The following NRG3 variants were observed in gnomAD, a reference collection of about 807,000 sequenced individuals.
The protein encoded by NRG3 is neuregulin 3.
A neutral mutation model predicts 66.9 loss-of-function variants in NRG3; 31 were observed. The ratio of observed to expected loss-of-function variants is 0.46; its 90% CI spans 0.35 to 0.63. The LOEUF (loss-of-function observed/expected upper bound fraction) is 0.63. Ranked by LOEUF, NRG3 falls within the 20% of genes least tolerant of loss-of-function variation. NRG3 has a pLI of 0.00. For synonymous variants in NRG3, 393 were observed against 359.4 expected, an observed-to-expected ratio of 1.09 and a Z score of -1.06; for missense variants, 910 against 878.9, an observed-to-expected ratio of 1.04 and a Z score of -0.45.
At chr10:82,372,397 G>C (rs2084945194) in intron 2 of NRG3, among the ~76,000 whole-genome samples, 1 of 152,080 alleles carries the variant, frequency 6.6e-6, no homozygotes, top group African/African-American at 2.4e-5. Context: ...TTTCACTCAA[G>C]CTCTGAATTT....
At chr10:82,952,453 G>GTCTC (rs137919624) in intron 5 of NRG3, among the ~76,000 whole-genome samples, 56 of 111,560 alleles carry the variant, frequency 5.0e-4, no homozygotes, top group Non-Finnish European at 5.9e-4. Flanking sequence ...AGATATAAAC[G>GTCTC]TCTCTCTCTC....
intron 1 of NRG3, among the ~76,000 whole-genome samples, chr10:82,023,868 A>G (rs955953122): frequency 3.9e-5 from 6 of 151,946 alleles, no homozygotes; most frequent in Non-Finnish European, 8.8e-5. Flanking sequence ...GGGCCCATAG[A>G]ATGAGTTTGA....
At chr10:82,956,511 G>A (rs922829539) in intron 5 of NRG3, among the ~76,000 whole-genome samples, 2 of 151,876 alleles carry the variant, frequency 1.3e-5, no homozygotes, top group African/African-American at 4.9e-5. Flanking sequence ...GTCAGGACTT[G>A]AGTGAAAAAA....
intron 1 of NRG3, among the ~76,000 whole-genome samples, chr10:82,240,930 A>G (rs891700978): frequency 1.3e-5 from 2 of 152,090 alleles, no homozygotes; most frequent in African/African-American, 2.4e-5. Flanking sequence ...ACCCTGTTAC[A>G]ATGTTTTATT....
chr10:82,398,547 A>G (rs374225707), intron 2 of NRG3, among the ~76,000 whole-genome samples: 2,723 of 117,092 alleles, frequency 0.023, 37 homozygotes, highest in Non-Finnish European at 0.033. Flanking sequence ...GAGAGAGAGT[A>G]TGAGTGTGTG....
At chr10:81,929,708 C>T (rs991299702) in intron 1 of NRG3, among the ~76,000 whole-genome samples, 1 of 152,170 alleles carries the variant, frequency 6.6e-6, no homozygotes, top group Non-Finnish European at 1.5e-5. Flanking sequence ...ACTCTCATTG[C>T]ACTCTATCCA....
intron 1 of NRG3, among the ~76,000 whole-genome samples, chr10:81,989,447 G>A (rs868286246): frequency 1.3e-5 from 2 of 152,020 alleles, no homozygotes; most frequent in South Asian, 4.1e-4. Flanking sequence ...AGAAGAAATA[G>A]CAAAGAAACG....
intron 1 of NRG3, among the ~76,000 whole-genome samples, chr10:81,988,505 G>A (rs570499772): frequency 6.6e-6 from 1 of 152,270 alleles, no homozygotes; most frequent in East Asian, 1.9e-4. Context: ...AAATGAATCA[G>A]GAAGCTTTGT....
intron 1 of NRG3, among the ~76,000 whole-genome samples, chr10:82,176,559 G>A (rs2073046911): frequency 6.6e-6 from 1 of 152,098 alleles, no homozygotes; most frequent in Admixed American, 6.6e-5. Flanking sequence ...GGGAGAGAAT[G>A]CTTGGATTGA....
intron 2 of NRG3, among the ~76,000 whole-genome samples, chr10:82,479,596 A>T (rs1269199481): frequency 7.0e-6 from 1 of 143,126 alleles, no homozygotes; most frequent in East Asian, 2.2e-4. Context: ...CCCGGGAGGC[A>T]GAGGTTGCGG....
At chr10:82,915,098 T>C (rs1280983716) in intron 4 of NRG3, among the ~76,000 whole-genome samples, 3 of 152,226 alleles carry the variant, frequency 2.0e-5, no homozygotes, top group African/African-American at 7.2e-5. Context: ...TATTTCAAGC[T>C]TGTCCACACC....
At chr10:82,632,802 T>C (rs900346630) in intron 2 of NRG3, among the ~76,000 whole-genome samples, 5 of 152,350 alleles carry the variant, frequency 3.3e-5, no homozygotes, top group Non-Finnish European at 7.4e-5. Context: ...TTCCTCTTGA[T>C]GATTGACTTG....
chr10:81,908,320 T>G (rs915550364), intron 1 of NRG3, among the ~76,000 whole-genome samples: 2 of 152,124 alleles, frequency 1.3e-5, no homozygotes, highest in Non-Finnish European at 2.9e-5. Context: ...CCACACACAT[T>G]TTTCTAGTAA....
At chr10:81,996,144 CAT>C (rs2133619539) in intron 1 of NRG3, among the ~76,000 whole-genome samples, 1 of 152,260 alleles carries the variant, frequency 6.6e-6, no homozygotes, top group Middle Eastern at 3.4e-3. Context: ...TGTGTTAGCT[CAT>C]ATGTGACAAA....
chr10:81,960,489 G>A (rs1850251946), intron 1 of NRG3, among the ~76,000 whole-genome samples: 2 of 151,886 alleles, frequency 1.3e-5, no homozygotes, highest in Non-Finnish European at 2.9e-5. Flanking sequence ...TAATTTTAAT[G>A]TCCATCTTCA....
intron 1 of NRG3, among the ~76,000 whole-genome samples, chr10:81,980,838 A>G (rs186122103): frequency 6.0e-4 from 92 of 152,310 alleles, no homozygotes; most frequent in Non-Finnish European, 1.2e-3. Flanking sequence ...GTGTCCTCAC[A>G]TGATCTTTTC....
intron 1 of NRG3, among the ~76,000 whole-genome samples, chr10:81,968,030 A>C (rs1026464131): frequency 1.3e-5 from 2 of 152,250 alleles, no homozygotes; most frequent in African/African-American, 2.4e-5. Flanking sequence ...GCCTGGCAAC[A>C]TCAACCTTAG....
intron 2 of NRG3, among the ~76,000 whole-genome samples, chr10:82,716,069 A>C (rs563927710): frequency 2.2e-4 from 34 of 152,338 alleles, no homozygotes; most frequent in African/African-American, 7.7e-4. Context: ...GGAAGAAGAC[A>C]AACATTCATT....
chr10:82,728,277 T>A (rs972496110), intron 2 of NRG3, among the ~76,000 whole-genome samples: 1 of 152,178 alleles, frequency 6.6e-6, no homozygotes, highest in Non-Finnish European at 1.5e-5. Context: ...ATGGTTTGGC[T>A]GTGTCCCCAC....
Sources: allele counts gnomAD v4.1 joint callset (sites outside exome capture counted in the v4.1 genomes callset), GRCh38; gene constraint gnomAD v4.1.1; transcripts MANE v1.5; gene names NCBI Gene and HGNC (gene_info 2026-07-23, HGNC 2026-07-21).